COBLL1: variants seen among roughly 807,000 people sequenced by gnomAD.
COBLL1 encodes the protein cordon-bleu WH2 repeat protein like 1.
Under a neutral mutation model 94.8 loss-of-function variants are expected in COBLL1, and 50 were observed. The ratio of observed to expected loss-of-function variants is 0.53; its 90% CI spans 0.42 to 0.67. The LOEUF (loss-of-function observed/expected upper bound fraction) is 0.67. COBLL1 is among the 30% of genes least tolerant of loss of function. The pLI, the probability that COBLL1 is intolerant of heterozygous loss-of-function variation, is 0.00. For synonymous variants in COBLL1, 448 were observed against 473.8 expected (o/e 0.95, Z 0.71); for missense variants, 1,362 against 1,348.7 (o/e 1.01, Z -0.15).
chr2:164,818,086 A>C (rs1164424608), intron 2 of COBLL1, among the ~76,000 whole-genome samples: 2 of 151,634 alleles, frequency 1.3e-5, no homozygotes, highest in East Asian at 3.9e-4. Flanking sequence ...TACATCATGT[A>C]TATATGTATA....
At chr2:164,802,527 C>T (rs1053598014) in intron 2 of COBLL1, among the ~76,000 whole-genome samples, 17 of 123,124 alleles carry the variant, frequency 1.4e-4, no homozygotes, top group African/African-American at 5.9e-4. Context: ...AGGGATTTTG[C>T]TGAAATCAAG....
chr2:164,756,480 A>C (rs1687413624), intron 2 of COBLL1, among the ~76,000 whole-genome samples: 1 of 152,276 alleles, frequency 6.6e-6, no homozygotes, highest in African/African-American at 2.4e-5. Context: ...TATAATATCT[A>C]AAATAGTTAA....
intron 2 of COBLL1, among the ~76,000 whole-genome samples, chr2:164,807,099 G>A (rs1252714829): frequency 6.6e-6 from 1 of 152,006 alleles, no homozygotes; most frequent in African/African-American, 2.4e-5. Context: ...CAACATTATT[G>A]TTCTCTTTTT....
chr2:164,813,185 T>C (rs1016529405), intron 2 of COBLL1, among the ~76,000 whole-genome samples: 1 of 152,090 alleles, frequency 6.6e-6, no homozygotes, highest in Non-Finnish European at 1.5e-5. Context: ...CTACATTCAG[T>C]TCCTACTTTA....
chr2:164,787,861 C>T (rs764591199), intron 2 of COBLL1, among the ~76,000 whole-genome samples: 15 of 152,182 alleles, frequency 9.9e-5, no homozygotes, highest in Non-Finnish European at 1.8e-4. Context: ...AAAATTATTC[C>T]ATTGTTGATT....
At chr2:164,663,265 C>A (rs2105383176) in intron 2 of COBLL1, among the ~76,000 whole-genome samples, 1 of 152,244 alleles carries the variant, frequency 6.6e-6, no homozygotes, top group East Asian at 1.9e-4. Context: ...CCCTAATATT[C>A]ACCAGTTATT....
At chr2:164,752,139 C>T (rs903064656) in intron 2 of COBLL1, among the ~76,000 whole-genome samples, 1 of 152,164 alleles carries the variant, frequency 6.6e-6, no homozygotes, top group Non-Finnish European at 1.5e-5. Flanking sequence ...AAAGTAGTTT[C>T]TATCCAGTAT....
rs536493005 is a variant in COBLL1, at chr2:164,665,203, C to T, written n.181+644G>A. On this transcript the variant is annotated intron_variant and non_coding_transcript_variant, in intron 2 of 2. Transcript: ENST00000495084. ...AAAATTAGCCAGGTGTGGTGGCGGG[C>T]GCCTGTAATTCCAGCTACTCAGGAG... is the stretch of plus-strand genomic sequence containing the variant. Among the ~76,000 whole-genome samples, 131 of 151,764 alleles carry T rather than the reference C, an allele frequency of 8.6e-4. 1 individual carries two copies. The highest frequency in any genetic ancestry group is 3.0e-3 in the African/African-American group (125 of 41,414).
At chr2:164,822,489 A>G (rs566259765) in intron 2 of COBLL1, among the ~76,000 whole-genome samples, 3 of 152,190 alleles carry the variant, frequency 2.0e-5, no homozygotes, top group Non-Finnish European at 2.9e-5. Context: ...TCCCTTTGGC[A>G]TCTCCCTGGC....
intron 3 of COBLL1, among the ~76,000 whole-genome samples, chr2:164,732,605 C>T (rs1283396688): frequency 1.3e-5 from 2 of 152,182 alleles, no homozygotes; most frequent in African/African-American, 4.8e-5. Context: ...CTGCTGTTGT[C>T]TATGAGTAAA....
chr2:164,720,499 G>A (rs1363196589), intron 7 of COBLL1, among the ~76,000 whole-genome samples: 1 of 152,098 alleles, frequency 6.6e-6, no homozygotes, highest in African/African-American at 2.4e-5. Flanking sequence ...TTGTGAGCAT[G>A]GGCTAAAGTA....
intron 2 of COBLL1, chr2:164,779,751 T>A (rs115451593): frequency 1.9e-5 from 9 of 470,856 alleles, no homozygotes; most frequent in African/African-American, 1.6e-4. Context: ...TTCCTTCAGG[T>A]CTTTCTTCAT....
intron 12 of COBLL1, 36 bp from the exon 13 acceptor site, chr2:164,692,433 C>G: frequency 6.5e-7 from 1 of 1,538,130 alleles, no homozygotes; most frequent in Non-Finnish European, 8.8e-7. Flanking sequence ...ATATGAATGC[C>G]AAGAAAAGAA....
chr2:164,841,124 C>G lies in COBLL1; in HGVS notation c.41+32G>C. 1 of 1,229,332 alleles carries G rather than the reference C, an allele frequency of 8.1e-7. No homozygotes were observed. The highest frequency in any genetic ancestry group is 1.0e-6 in the Non-Finnish European group (1 of 986,334). 76.2% of individuals were successfully genotyped at this position (1,229,332 alleles called of 1,614,324 possible). A position where few individuals can be genotyped will look rare whatever the true frequency, so the allele number is the denominator to read the frequency against. ...CTGTCCTCGCCGGCCTCGCCCTCCC[C>G]GGTGAGAGGCGGCGCGGCGCTCTGG... On this transcript the variant is annotated intron_variant, in intron 2 of 13. Coordinates refer to ENST00000652658, the MANE Select transcript of COBLL1 (RefSeq NM_001365672.2). This position sits in a 1 kb window ranked among gnomAD's most constrained non-coding sequence, Gnocchi z 5.5.
At chr2:164,819,270 G>T (rs925436148) in intron 2 of COBLL1, among the ~76,000 whole-genome samples, 1 of 152,012 alleles carries the variant, frequency 6.6e-6, no homozygotes, top group Non-Finnish European at 1.5e-5. Context: ...TAGAACATAG[G>T]TCGTAAAGCA....
chr2:164,814,029 AG>A (rs1186222996), intron 2 of COBLL1, among the ~76,000 whole-genome samples: 5 of 152,208 alleles, frequency 3.3e-5, no homozygotes, highest in Admixed American at 2.6e-4. Context: ...AGGTCAGAAC[AG>A]GCACAAGGAA....
At chr2:164,759,334 C>G (rs888008175) in intron 2 of COBLL1, among the ~76,000 whole-genome samples, 10 of 152,004 alleles carry the variant, frequency 6.6e-5, no homozygotes, top group African/African-American at 1.9e-4. Context: ...GCTAAAAGAA[C>G]TATTTGGACA....
At chr2:164,703,334 C>T (rs1490642420) in intron 9 of COBLL1, 1 of 673,820 alleles carries the variant, frequency 1.5e-6, no homozygotes, top group Non-Finnish European at 2.6e-6. Flanking sequence ...ATTATCCATG[C>T]ATTAAATAAG....
In COBLL1 at chr2:164,841,640, G is replaced by T; in HGVS notation, c.-51+70C>A. On this transcript the variant is annotated intron_variant, in intron 1 of 13. Transcript: ENST00000652658. The surrounding 1 kb of genome is among the most constrained non-coding windows in gnomAD (Gnocchi z 5.5). ...CCGGCCGAGTTTGCACAAACAAAAC[G>T]CCCTAGGAAAACTTTTCCCGAAGAG... is the stretch of plus-strand genomic sequence containing the variant. The T allele has an allele frequency of 2.9e-6, 1 of 347,716 alleles. No homozygotes were observed. Among genetic ancestry groups the T allele is most frequent in the Non-Finnish European group, 5.0e-6 (1 of 200,428 alleles). 21.5% of individuals were successfully genotyped at this position (347,716 alleles called of 1,614,324 possible).
Sources: gnomAD v4.1 joint callset for allele counts (sites outside exome capture counted in the v4.1 genomes callset) on GRCh38, gnomAD v4.1.1 for gene constraint, Gnocchi (gnomAD v3.1) non-coding constraint, MANE v1.5 for transcripts, NCBI Gene and HGNC (gene_info 2026-07-23, HGNC 2026-07-21) for gene names.